Variants in DBNDD1 observed in about 807,000 individuals in gnomAD.
DBNDD1 encodes the protein dysbindin domain-containing protein 1.
DBNDD1 carries 14 observed loss-of-function variants against 17.0 expected under a neutral mutation model. That is an observed-to-expected ratio of 0.82 (90% CI 0.54 to 1.29). The LOEUF is 1.29. Ranked by LOEUF, DBNDD1 falls within the 50% of genes most tolerant of loss-of-function variation. The pLI, the probability that DBNDD1 is intolerant of heterozygous loss-of-function variation, is 0.00. For synonymous variants in DBNDD1, 105 were observed against 102.0 expected, an observed-to-expected ratio of 1.03 and a Z score of -0.18; for missense variants, 221 against 216.2, an observed-to-expected ratio of 1.02 and a Z score of -0.14.
chr16:90,009,694 G>A (rs1370093589), intron 1 of DBNDD1: 13 of 629,678 alleles, frequency 2.1e-5, no homozygotes, highest in East Asian at 8.4e-5. Flanking sequence ...CCTTTGGTAC[G>A]CAAGCACCCA....
At chr16:90,006,661 T>G in intron 3 of DBNDD1, 169 bp from the exon 4 acceptor site, 1 of 855,386 alleles carries the variant, frequency 1.2e-6, no homozygotes, top group Non-Finnish European at 1.8e-6. Flanking sequence ...CACCACACAC[T>G]GGCCCCACCA....
chr16:90,008,235 T>G (rs28584071), intron 3 of DBNDD1, among the ~76,000 whole-genome samples: 33 of 2,790 alleles, frequency 0.012, 4 homozygotes, highest in African/African-American at 0.018. Flanking sequence ...CTCCCAGGAC[T>G]TCCCAAGGGG....
At chr16:90,016,804 A>G (rs1329703592) in intron 1 of DBNDD1, among the ~76,000 whole-genome samples, 1 of 152,230 alleles carries the variant, frequency 6.6e-6, no homozygotes, top group Non-Finnish European at 1.5e-5. Flanking sequence ...TCGAGGAGGC[A>G]CTTGGCACAC....
At position 90,014,421 on chromosome 16, in the gene DBNDD1, G is replaced by A. The variant is rs534707368; in HGVS notation, c.31+4890C>T. Reference sequence around the variant, plus strand: ...ATTATAGGTGTGAGCCACCGTGCCGGGCCAATACCTGCATTTTTACGACGA... The same window carrying A: ...ATTATAGGTGTGAGCCACCGTGCCGAGCCAATACCTGCATTTTTACGACGA... On this transcript the variant is annotated intron_variant, in intron 1 of 3. Transcript: ENST00000002501. 1.1e-3 allele frequency among the ~76,000 whole-genome samples: 165 copies of A among 152,122 alleles called. 1 individual carries two copies. The highest frequency in any genetic ancestry group is 1.9e-3 in the Non-Finnish European group (129 of 67,998).
intron 1 of DBNDD1, among the ~76,000 whole-genome samples, chr16:90,016,602 T>C (rs1185850211): frequency 2.6e-4 from 39 of 152,154 alleles, no homozygotes; most frequent in Admixed American, 2.5e-3. Context: ...CGCTGATGAG[T>C]GGGCACTGAA....
rs376972074 is a variant in DBNDD1 at position 90,016,291 on chromosome 16, C to T, written c.31+3020G>A. Among the ~76,000 whole-genome samples, 96 of 152,314 alleles carry T rather than the reference C, an allele frequency of 6.3e-4. No homozygotes were observed. In the South Asian group the frequency reaches 6.6e-3, roughly 11 times the overall value. The stretch of plus-strand genomic sequence containing the variant: ...AGCCCACGGTTAGTGAGGGACTGCG[C>T]TAGGAATCACCCAGGCCTGTCTGAC... On this transcript the variant is annotated intron_variant, in intron 1 of 3. Coordinates refer to ENST00000002501, the MANE Select transcript of DBNDD1 (RefSeq NM_001042610.3).
chr16:90,012,745 C>T (rs1181737285), intron 1 of DBNDD1, among the ~76,000 whole-genome samples: 4 of 151,374 alleles, frequency 2.6e-5, no homozygotes, highest in African/African-American at 9.7e-5. Flanking sequence ...AGGCATGAGC[C>T]ACCGCACCTG....
In DBNDD1 at chr16:90,005,048, CAGGGA is replaced by C. The variant is rs747430438; in HGVS notation, c.*1282_*1286del. On this transcript the variant is annotated 3_prime_UTR_variant, in exon 4 of 4. Transcript: ENST00000002501. ...TGCTGGGCTCTGTGTGACTGGAAACCAGGGAAGGAGACCTGGCTGAGGCAGGAACT... is the reference window on the plus strand; with the variant it reads ...TGCTGGGCTCTGTGTGACTGGAAACCAGGAGACCTGGCTGAGGCAGGAACT... The C allele has an allele frequency of 5.6e-4, 85 of 152,664 alleles. No homozygotes were observed. The highest frequency in any genetic ancestry group is 8.5e-4 in the Non-Finnish European group (58 of 68,142). The allele number at this position is 152,664 out of a possible 1,614,324, so 9.5% of individuals were successfully genotyped here.
At chr16:90,017,364 G>A (rs561928026) in intron 1 of DBNDD1, among the ~76,000 whole-genome samples, 3 of 152,152 alleles carry the variant, frequency 2.0e-5, no homozygotes, top group East Asian at 3.9e-4. Flanking sequence ...GTGTGGTGGC[G>A]GGCGCCTGTA....
At chr16:90,010,843 C>CA (rs1335146765) in intron 1 of DBNDD1, among the ~76,000 whole-genome samples, 1 of 152,230 alleles carries the variant, frequency 6.6e-6, no homozygotes, top group Non-Finnish European at 1.5e-5. Flanking sequence ...TCCTGTTAGT[C>CA]AGAGTCAGGC....
intron 1 of DBNDD1, chr16:90,009,966 T>C: frequency 1.2e-6 from 2 of 1,613,954 alleles, no homozygotes; most frequent in Non-Finnish European, 1.7e-6. Flanking sequence ...CCAGGAGGAA[T>C]AGGCAGGCCT....
chr16:90,008,987 G>A, intron 2 of DBNDD1, 63 bp from the exon 3 acceptor site: 1 of 1,478,772 alleles, frequency 6.8e-7, no homozygotes, highest in Non-Finnish European at 9.0e-7. Context: ...AGAGCCCCGG[G>A]GGTCTAGGAG....
At position 90,006,458 on chromosome 16, in the gene DBNDD1, G is replaced by A. The variant is rs1199069080; in HGVS notation, c.354C>T (p.Arg118=). 5 of 1,600,556 alleles carry A rather than the reference G, an allele frequency of 3.1e-6. No homozygotes were observed. The Admixed American group carries it at 5.0e-5, about 16-fold the overall frequency. ...CCCTTGTCCTCGTCCAGGAAGGGGA[G>A]CGCAGGTAGCCGGCCCGGGGCAGCG... ...LHPLPRAGYL[R]SPSWTRTRAE... Residue 118 remains arginine (R), a synonymous_variant, in exon 4 of 4, where the codon CGC becomes CGT. Coordinates refer to ENST00000002501, the MANE Select transcript of DBNDD1 (RefSeq NM_001042610.3).
At chr16:90,016,501 A>G (rs535092459) in intron 1 of DBNDD1, among the ~76,000 whole-genome samples, 183 of 152,272 alleles carry the variant, frequency 1.2e-3, no homozygotes, top group African/African-American at 4.4e-3. Context: ...AGGACCCCAG[A>G]GTGTGGGGAC....
chr16:90,019,523 C>CCCCGGG (rs560892534), upstream of DBNDD1: 12,699 of 155,086 alleles, frequency 0.082, 611 homozygotes, highest in South Asian at 0.13. This position sits in a 1 kb window ranked among gnomAD's most constrained non-coding sequence, Gnocchi z 6.1. Context: ...TGCTCCCGGG[C>CCCCGGG]CCCGGCCCCC....
intron 3 of DBNDD1, chr16:90,006,773 T>G: frequency 2.4e-6 from 1 of 410,280 alleles, no homozygotes; most frequent in Non-Finnish European, 4.5e-6. Context: ...TGTTTGGTCA[T>G]TAAGTGACCC....
intron 1 of DBNDD1, among the ~76,000 whole-genome samples, chr16:90,013,063 T>A (rs1168618379): frequency 1.3e-5 from 2 of 151,566 alleles, no homozygotes; most frequent in Non-Finnish European, 2.9e-5. Context: ...CTGCAGAGAA[T>A]CTCTGGGGAC....
At position 90,005,808 on chromosome 16, in the gene DBNDD1, A is replaced by T. The variant is rs1422179296; in HGVS notation, c.*527T>A. On this transcript the variant is annotated 3_prime_UTR_variant, in exon 4 of 4. Coordinates refer to ENST00000002501, the MANE Select transcript of DBNDD1 (RefSeq NM_001042610.3). ...GTGGGAATTTTGGGGCCGCTTCTCC[A>T]TGTGTGCTTTGCTGGACAGCACATT... 1 of 153,662 alleles carries T rather than the reference A, an allele frequency of 6.5e-6. No homozygotes were observed. The highest frequency in any genetic ancestry group is 1.4e-5 in the Non-Finnish European group (1 of 68,982). The allele number at this position is 153,662 out of a possible 1,614,324, so 9.5% of individuals were successfully genotyped here.
In DBNDD1 at chr16:90,009,354, C is replaced by CGTGTGGCCATTGTCCCCTGTCCCCTG; in HGVS notation, c.82_107dup (p.Pro37ArgfsTer35). 1 of 1,613,534 alleles carries CGTGTGGCCATTGTCCCCTGTCCCCTG rather than the reference C, an allele frequency of 6.2e-7. No homozygotes were observed. Among genetic ancestry groups the CGTGTGGCCATTGTCCCCTGTCCCCTG allele is most frequent in the Non-Finnish European group, 8.5e-7 (1 of 1,180,018 alleles). On this transcript the variant is annotated frameshift_variant, in exon 2 of 4. Transcript: ENST00000002501. LOFTEE classifies it high-confidence loss of function. ...TGCCCCCGACCTCCTCCTCCACAGG[C>CGTGTGGCCATTGTCCCCTGTCCCCTG]GTGTGGCCATTGTCCCCTGTCCCCT...
Sources: gnomAD v4.1 joint callset for allele counts (sites outside exome capture counted in the v4.1 genomes callset) on GRCh38, gnomAD v4.1.1 for gene constraint, Gnocchi (gnomAD v3.1) non-coding constraint, MANE v1.5 for transcripts, NCBI Gene and HGNC (gene_info 2026-07-23, HGNC 2026-07-21) for gene names.